Variants in MBD5 observed in about 807,000 individuals in gnomAD.
MBD5 encodes methyl-CpG binding domain protein 5, also known as methyl-CpG-binding domain protein 5.
A neutral mutation model predicts 117.3 loss-of-function variants in MBD5; 13 were observed. That is an observed-to-expected ratio of 0.11 (90% confidence interval 0.07 to 0.18). MBD5 has a LOEUF of 0.18. Among genes scored for constraint, MBD5 ranks in the 10% least tolerant of loss-of-function variants. MBD5 has a pLI of 1.00. For synonymous variants in MBD5, 727 were observed against 766.4 expected, an observed-to-expected ratio of 0.95 and a Z score of 0.85; for missense variants, 1,879 against 2,093.8, an observed-to-expected ratio of 0.90 and a Z score of 2.00.
At chr2:148,095,961 G>A (rs1696059221) in intron 1 of MBD5, among the ~76,000 whole-genome samples, 1 of 152,076 alleles carries the variant, frequency 6.6e-6, no homozygotes, top group East Asian at 1.9e-4. Flanking sequence ...AAAGTTAAAA[G>A]TGATATTATT....
rs145363017 is a variant in MBD5 at position 148,311,857 on chromosome 2, C to T, written c.-679-30357C>T. On this transcript the variant is annotated intron_variant, in intron 3 of 13. Transcript: ENST00000642680. ...AAGGCAGGCCTGGTGGTGATAAAAT[C>T]TCTCAGCATTTGCTTGTCTGTAAAG... Among the ~76,000 whole-genome samples the T allele has an allele frequency of 8.5e-3, 1,288 of 152,278 alleles. 23 individuals are homozygous for T. Among genetic ancestry groups the T allele is most frequent in the African/African-American group, 0.03 (1,241 of 41,532 alleles).
intron 3 of MBD5, among the ~76,000 whole-genome samples, chr2:148,308,193 T>C (rs1701939867): frequency 1.3e-5 from 2 of 152,180 alleles, no homozygotes; most frequent in African/African-American, 4.8e-5. Context: ...TATTTCTAGT[T>C]CTAGATCCTT....
chr2:148,277,160 G>T (rs1701135294), intron 3 of MBD5, among the ~76,000 whole-genome samples: 1 of 152,072 alleles, frequency 6.6e-6, no homozygotes, highest in Non-Finnish European at 1.5e-5. Context: ...AATTATTAAG[G>T]TAAGGCAAGT....
At chr2:148,445,555 G>A in intron 4 of MBD5, among the ~76,000 whole-genome samples, 1 of 151,284 alleles carries the variant, frequency 6.6e-6, no homozygotes, top group Non-Finnish European at 1.5e-5. Flanking sequence ...ATTTGGGTTT[G>A]TTCCAAGTCT....
intron 1 of MBD5, among the ~76,000 whole-genome samples, chr2:148,130,356 A>G (rs908939455): frequency 1.3e-5 from 2 of 152,148 alleles, no homozygotes; most frequent in Non-Finnish European, 2.9e-5. Flanking sequence ...CCCCTAGAGT[A>G]TCATTCTTTT....
chr2:148,489,981 A>G lies in MBD5; in HGVS notation c.4349A>G (p.Asp1450Gly). 6.2e-7 allele frequency: 1 copy of G among 1,613,986 alleles called. No individual in the cohort carries two copies. Among genetic ancestry groups the G allele is most frequent in the Non-Finnish European group, 8.5e-7 (1 of 1,180,006 alleles). The change falls in exon 11 of 14, where the codon GAT becomes GGT. Residue 1450 changes from aspartate to glycine, a missense_variant. Physicochemically the swap from Asp to Gly is moderately conservative, Grantham distance 94. Coordinates refer to ENST00000642680, the MANE Select transcript of MBD5 (RefSeq NM_001378120.1). ...AGGTGGAAGTACGAGGAATTTTTAGATCATCCAGGCCATATCCACAGTAGT... is the reference window on the plus strand; with the variant it reads ...AGGTGGAAGTACGAGGAATTTTTAGGTCATCCAGGCCATATCCACAGTAGT... ...RNRWKYEEFL[D>G]HPGHIHSSPC...
chr2:148,232,484 T>C (rs972613426), intron 2 of MBD5, among the ~76,000 whole-genome samples: 1 of 152,144 alleles, frequency 6.6e-6, no homozygotes, highest in Non-Finnish European at 1.5e-5. Context: ...GATACTTTTT[T>C]TGTTTTTTTC....
At chr2:148,358,618 C>CA (rs35838466) in intron 4 of MBD5, among the ~76,000 whole-genome samples, 21,268 of 82,448 alleles carry the variant, frequency 0.26, 2,662 homozygotes, top group East Asian at 0.62. Flanking sequence ...ACTAAAAATA[C>CA]AAAAAAAAAA....
chr2:148,208,486 A>G (rs1699338352), intron 2 of MBD5, among the ~76,000 whole-genome samples: 1 of 152,064 alleles, frequency 6.6e-6, no homozygotes, highest in African/African-American at 2.4e-5. Context: ...CGAACTCCTG[A>G]CCTCAAGTGA....
At chr2:148,045,246 T>G (rs1300096754) in intron 1 of MBD5, among the ~76,000 whole-genome samples, 2 of 152,212 alleles carry the variant, frequency 1.3e-5, no homozygotes, top group African/African-American at 4.8e-5. Context: ...ACAATTTGTA[T>G]TCCCGTTTTA....
chr2:148,413,325 G>A (rs915666976), intron 4 of MBD5, among the ~76,000 whole-genome samples: 16 of 152,034 alleles, frequency 1.1e-4, no homozygotes, highest in African/African-American at 3.9e-4. Flanking sequence ...AATTTATCAT[G>A]GTGGATTAGC....
chr2:148,106,124 G>A (rs1292314620), intron 1 of MBD5, among the ~76,000 whole-genome samples: 1 of 151,882 alleles, frequency 6.6e-6, no homozygotes, highest in Non-Finnish European at 1.5e-5. Flanking sequence ...TGTTGATGCA[G>A]TTTTATATAT....
intron 2 of MBD5, among the ~76,000 whole-genome samples, chr2:148,179,336 C>CA (rs1698466100): frequency 1.4e-5 from 2 of 146,000 alleles, no homozygotes; most frequent in African/African-American, 5.1e-5. Context: ...GCCTGGGTGA[C>CA]AGAGCGAGAC....
chr2:148,470,088 G>A lies in MBD5; in HGVS notation c.2145G>A (p.Leu715=). Residue 715 remains leucine (L), a synonymous_variant, in exon 8 of 14, where the codon TTG becomes TTA. Coordinates refer to ENST00000642680, the MANE Select transcript of MBD5 (RefSeq NM_001378120.1). ...LQSMSCQSSH[L]SSNSTPGCGA... Reference sequence around the variant, plus strand: ...CTATGAGTTGTCAAAGCTCTCACTTGAGTAGCAATAGTACCCCGGGTTGTG... The same window carrying A: ...CTATGAGTTGTCAAAGCTCTCACTTAAGTAGCAATAGTACCCCGGGTTGTG... 1 of 1,613,884 alleles carries A rather than the reference G, an allele frequency of 6.2e-7. No homozygotes were observed. The highest frequency in any genetic ancestry group is 8.5e-7 in the Non-Finnish European group (1 of 1,179,898).
At position 148,054,416 on chromosome 2, in the gene MBD5, G is replaced by A. The variant is rs369451564; in HGVS notation, c.-925+32732G>A. The A allele has an allele frequency of 9.2e-5, 14 of 152,248 alleles. No homozygotes were observed. In the East Asian group the frequency reaches 2.7e-3, roughly 29 times the overall value. 9.4% of individuals were successfully genotyped at this position (152,248 alleles called of 1,614,324 possible). ...CCCACATATGACAGTGGACATAGAG[G>A]ACAACGCAGATATAGAACATTTCTT... On this transcript the variant is annotated intron_variant, in intron 1 of 13. Coordinates refer to ENST00000642680, the MANE Select transcript of MBD5 (RefSeq NM_001378120.1).
intron 11 of MBD5, among the ~76,000 whole-genome samples, chr2:148,494,758 C>G (rs929424022): frequency 2.6e-5 from 4 of 152,002 alleles, no homozygotes; most frequent in Admixed American, 6.6e-5. Flanking sequence ...TCAGGAGATC[C>G]AGACCATCCT....
At chr2:148,344,933 A>T (rs1463423629) in intron 4 of MBD5, among the ~76,000 whole-genome samples, 2 of 151,894 alleles carry the variant, frequency 1.3e-5, no homozygotes, top group African/African-American at 4.8e-5. Flanking sequence ...TTTAGCACCT[A>T]AACATTTTCT....
At chr2:148,184,104 T>G (rs1037431502) in intron 2 of MBD5, among the ~76,000 whole-genome samples, 1 of 151,082 alleles carries the variant, frequency 6.6e-6, no homozygotes, top group Non-Finnish European at 1.5e-5. Context: ...AACCTCCTCC[T>G]GGGCCCAAGC....
chr2:148,436,442 G>T (rs1288517348), intron 4 of MBD5, among the ~76,000 whole-genome samples: 1 of 152,076 alleles, frequency 6.6e-6, no homozygotes, highest in Non-Finnish European at 1.5e-5. Context: ...ATGTGATCTT[G>T]GTTCACTGCA....
Sources: allele counts gnomAD v4.1 joint callset (sites outside exome capture counted in the v4.1 genomes callset), GRCh38; gene constraint gnomAD v4.1.1; transcripts MANE v1.5; gene names NCBI Gene and HGNC (gene_info 2026-07-23, HGNC 2026-07-21).